PLD1: variants seen among roughly 807,000 people sequenced by gnomAD.
PLD1 encodes the protein phospholipase D1, also known as choline phosphatase 1.
PLD1 carries 112 observed loss-of-function variants against 137.1 expected under a neutral mutation model. The observed-to-expected ratio is 0.82, with a 90% CI of 0.70 to 0.96. The LOEUF (loss-of-function observed/expected upper bound fraction) is 0.96, where lower values mean the gene tolerates loss of function less well. Ranked by LOEUF, PLD1 falls within the 40% of genes least tolerant of loss-of-function variation. PLD1 has a pLI of 0.00. For synonymous variants in PLD1, 431 were observed against 454.7 expected (o/e 0.95, Z 0.66); for missense variants, 1,321 against 1,342.0 (o/e 0.98, Z 0.24).
At chr3:171,613,040 C>G (rs1732797068) in intron 24 of PLD1, among the ~76,000 whole-genome samples, 1 of 152,128 alleles carries the variant, frequency 6.6e-6, no homozygotes, top group African/African-American at 2.4e-5. Context: ...TGTGGTGACG[C>G]ATGCCTGTAG....
At chr3:171,803,046 G>T (rs1578488040) in intron 1 of PLD1, among the ~76,000 whole-genome samples, 2 of 152,294 alleles carry the variant, frequency 1.3e-5, no homozygotes, top group Admixed American at 1.3e-4. Context: ...GATAGAACCT[G>T]GAAATTTGTA....
chr3:171,781,333 G>A (rs1450868466), intron 1 of PLD1, among the ~76,000 whole-genome samples: 1 of 151,434 alleles, frequency 6.6e-6, no homozygotes, highest in African/African-American at 2.4e-5. Context: ...ATGGATCATA[G>A]ACATAAATGT....
intron 12 of PLD1, among the ~76,000 whole-genome samples, chr3:171,699,544 T>G (rs1716056369): frequency 6.6e-6 from 1 of 152,220 alleles, no homozygotes; most frequent in Admixed American, 6.5e-5. Context: ...ATCCATGCTG[T>G]GAATTAGTCT....
At chr3:171,679,782 G>A (rs1363886196) in intron 16 of PLD1, among the ~76,000 whole-genome samples, 2 of 152,054 alleles carry the variant, frequency 1.3e-5, no homozygotes, top group African/African-American at 4.8e-5. Flanking sequence ...CATAAATTAG[G>A]GTTCCTCCTC....
intron 5 of PLD1, 36 bp downstream of exon 5, chr3:171,734,829 T>C (rs757218941): frequency 4.5e-6 from 6 of 1,338,066 alleles, no homozygotes; most frequent in Non-Finnish European, 5.4e-6. Context: ...CACTGCAAAA[T>C]TAGGTTTAAA....
chr3:171,751,351 A>T (rs1254972005), intron 1 of PLD1, among the ~76,000 whole-genome samples: 1 of 152,204 alleles, frequency 6.6e-6, no homozygotes, highest in African/African-American at 2.4e-5. Context: ...TAAAACGTTC[A>T]TTGAACAAAT....
chr3:171,722,737 G>A (rs1486396985), intron 8 of PLD1, among the ~76,000 whole-genome samples: 18 of 152,048 alleles, frequency 1.2e-4, no homozygotes, highest in African/African-American at 3.6e-4. Flanking sequence ...TTCACAATGC[G>A]ATGGTTTTTA....
At chr3:171,649,587 G>T (rs1212385244) in intron 21 of PLD1, among the ~76,000 whole-genome samples, 1 of 152,140 alleles carries the variant, frequency 6.6e-6, no homozygotes, top group Non-Finnish European at 1.5e-5. Flanking sequence ...TCAGCTTAGG[G>T]TAAGAATCTG....
intron 8 of PLD1, among the ~76,000 whole-genome samples, chr3:171,723,227 G>A (rs1005160479): frequency 6.6e-6 from 1 of 152,104 alleles, no homozygotes; most frequent in Non-Finnish European, 1.5e-5. Flanking sequence ...GAGAACATGT[G>A]AAGATTGTCT....
chr3:171,705,527 T>A (rs1037512385), intron 11 of PLD1, among the ~76,000 whole-genome samples: 2 of 151,992 alleles, frequency 1.3e-5, no homozygotes, highest in African/African-American at 4.8e-5. Context: ...TACAACTAAA[T>A]AAGAAGACTA....
At chr3:171,777,781 G>A (rs1722640476) in intron 1 of PLD1, among the ~76,000 whole-genome samples, 1 of 152,036 alleles carries the variant, frequency 6.6e-6, no homozygotes, top group South Asian at 2.1e-4. Context: ...AGCATTTTCA[G>A]GTCACCCTGC....
intron 1 of PLD1, among the ~76,000 whole-genome samples, chr3:171,778,665 C>A (rs532819805): frequency 6.6e-6 from 1 of 152,202 alleles, no homozygotes; most frequent in African/African-American, 2.4e-5. Context: ...ACAAACTTGG[C>A]GTGTTCAAGA....
rs185115168 is a variant in PLD1 at position 171,638,322 on chromosome 3, G to A, written c.2593+4518C>T. ...CTACTGTGGACTTTATAAACACTGC[G>A]CACTTAGGCTACATTAAATTTTTAA... On this transcript the variant is annotated intron_variant, in intron 23 of 26. Transcript: ENST00000351298. Among the ~76,000 whole-genome samples the A allele has an allele frequency of 1.1e-4, 16 of 151,818 alleles. No individual in the cohort carries two copies. In the East Asian group the frequency reaches 1.4e-3, roughly 13 times the overall value.
At chr3:171,802,694 C>T (rs141591458) in intron 1 of PLD1, among the ~76,000 whole-genome samples, 3 of 152,316 alleles carry the variant, frequency 2.0e-5, no homozygotes, top group Admixed American at 2.0e-4. Context: ...CTGATAGTCT[C>T]CCTGCAACAC....
intron 1 of PLD1, among the ~76,000 whole-genome samples, chr3:171,750,552 G>A (rs1022771565): frequency 2.6e-5 from 4 of 152,064 alleles, no homozygotes; most frequent in South Asian, 2.1e-4. Flanking sequence ...GAAGTTCAGC[G>A]GATCCCAAAC....
chr3:171,649,290 A>G (rs1178842120), intron 21 of PLD1, among the ~76,000 whole-genome samples: 1 of 152,202 alleles, frequency 6.6e-6, no homozygotes, highest in African/African-American at 2.4e-5. Context: ...CTATTTTACA[A>G]TATGGTAGCT....
chr3:171,730,580 C>A (rs1225903158), intron 6 of PLD1, among the ~76,000 whole-genome samples: 1 of 151,562 alleles, frequency 6.6e-6, no homozygotes, highest in African/African-American at 2.4e-5. Flanking sequence ...GTGCTTAGAA[C>A]CCTAAACCAA....
At chr3:171,711,241 G>T (rs111528735) in intron 9 of PLD1, among the ~76,000 whole-genome samples, 4,176 of 143,218 alleles carry the variant, frequency 0.029, 152 homozygotes, top group African/African-American at 0.087. Context: ...CTCAATCTCG[G>T]CTCACTCCAA....
chr3:171,758,902 C>A (rs1396683694), intron 1 of PLD1, among the ~76,000 whole-genome samples: 1 of 152,172 alleles, frequency 6.6e-6, no homozygotes, highest in Non-Finnish European at 1.5e-5. Context: ...AATTTCCAAA[C>A]CTGTCTTTAG....
Sources: gnomAD v4.1 joint callset for allele counts (sites outside exome capture counted in the v4.1 genomes callset) on GRCh38, gnomAD v4.1.1 for gene constraint, MANE v1.5 for transcripts, NCBI Gene and HGNC (gene_info 2026-07-23, HGNC 2026-07-21) for gene names.